The following BTBD9 variants were observed in gnomAD, a reference collection of about 807,000 sequenced individuals.
The protein encoded by BTBD9 is BTB domain containing 9, also known as BTB/POZ domain-containing protein 9.
A neutral mutation model predicts 64.3 loss-of-function variants in BTBD9; 49 were observed. The ratio of observed to expected loss-of-function variants is 0.76; its 90% CI spans 0.61 to 0.97. The LOEUF (loss-of-function observed/expected upper bound fraction) is 0.97, where lower values mean the gene tolerates loss of function less well. Ranked by LOEUF, BTBD9 falls within the 50% of genes least tolerant of loss-of-function variation. The probability of loss-of-function intolerance (pLI) is 0.00; values close to 1 mark genes in which losing one functional copy is unlikely to be tolerated. For synonymous variants in BTBD9, 260 were observed against 274.7 expected, an observed-to-expected ratio of 0.95 and a Z score of 0.53; for missense variants, 598 against 762.1, an observed-to-expected ratio of 0.78 and a Z score of 2.53.
intron 4 of BTBD9, chr6:38,588,275 CAGCT>C: frequency 1.1e-6 from 1 of 929,312 alleles, no homozygotes; most frequent in Non-Finnish European, 1.7e-6. Context: ...ACTGCCTGCT[CAGCT>C]GCCACACAGT....
chr6:38,321,164 G>A (rs1763218034), intron 7 of BTBD9, among the ~76,000 whole-genome samples: 1 of 152,164 alleles, frequency 6.6e-6, no homozygotes, highest in African/African-American at 2.4e-5. Flanking sequence ...ACTGCTTTAA[G>A]GTTTCAAGAG....
chr6:38,617,557 G>A lies in BTBD9; in HGVS notation c.-27-19436C>T, dbSNP rs190958736. Among the ~76,000 whole-genome samples the A allele has an allele frequency of 5.5e-4, 83 of 152,246 alleles. 1 individual carries two copies. Among genetic ancestry groups the A allele is most frequent in the African/African-American group, 1.4e-3 (59 of 41,532 alleles). ...AGACATAATTTTTGCCCAAAGCCCC[G>A]TCATAGGGGGTACTATCTGGAATTT... On this transcript the variant is annotated intron_variant, in intron 1 of 10. Coordinates refer to ENST00000481247, the MANE Select transcript of BTBD9 (RefSeq NM_001099272.2).
At chr6:38,522,953 C>T (rs113225080) in intron 6 of BTBD9, among the ~76,000 whole-genome samples, 2,216 of 152,174 alleles carry the variant, frequency 0.015, 50 homozygotes, top group African/African-American at 0.05. Context: ...GAAGCTGAGG[C>T]GGGTGGATCA....
At chr6:38,526,281 C>A (rs1017948172) in intron 6 of BTBD9, among the ~76,000 whole-genome samples, 1 of 152,232 alleles carries the variant, frequency 6.6e-6, no homozygotes, top group African/African-American at 2.4e-5. Flanking sequence ...CTGGCGGCTT[C>A]TAAGTGGTAT....
At chr6:38,376,770 T>C (rs1201710986) in intron 6 of BTBD9, among the ~76,000 whole-genome samples, 1 of 152,214 alleles carries the variant, frequency 6.6e-6, no homozygotes, top group Non-Finnish European at 1.5e-5. Flanking sequence ...CTCTGGGTAC[T>C]CAAGAACTCT....
At chr6:38,635,280 T>C (rs2127536234) in intron 1 of BTBD9, among the ~76,000 whole-genome samples, 1 of 152,092 alleles carries the variant, frequency 6.6e-6, no homozygotes, top group Middle Eastern at 3.4e-3. Flanking sequence ...GGATTACAGG[T>C]GTGCACCACC....
intron 6 of BTBD9, among the ~76,000 whole-genome samples, chr6:38,556,695 G>A (rs1308334669): frequency 1.3e-5 from 2 of 151,642 alleles, no homozygotes; most frequent in Admixed American, 1.3e-4. Flanking sequence ...ATGATAAACA[G>A]AGATGAAAAA....
intron 8 of BTBD9, among the ~76,000 whole-genome samples, chr6:38,269,483 T>C (rs1324003741): frequency 3.9e-5 from 6 of 152,210 alleles, no homozygotes; most frequent in Admixed American, 6.5e-5. Flanking sequence ...TCACAAGTTT[T>C]AATTCAAACG....
chr6:38,554,789 C>T (rs1426705895), intron 6 of BTBD9, among the ~76,000 whole-genome samples: 5 of 152,172 alleles, frequency 3.3e-5, no homozygotes, highest in Admixed American at 3.3e-4. Flanking sequence ...TAATGGGCTT[C>T]CAGAAGCTTG....
At chr6:38,283,196 A>T (rs1029186614) in intron 8 of BTBD9, among the ~76,000 whole-genome samples, 4 of 152,210 alleles carry the variant, frequency 2.6e-5, no homozygotes, top group African/African-American at 9.6e-5. Context: ...AACATTTTTC[A>T]TCAAGAAAGA....
chr6:38,249,695 C>A (rs1350782586), intron 9 of BTBD9, among the ~76,000 whole-genome samples: 2 of 147,550 alleles, frequency 1.4e-5, no homozygotes, highest in Admixed American at 6.9e-5. Context: ...GCAGTCAACA[C>A]AACTGTCTGG....
At position 38,319,177 on chromosome 6, in the gene BTBD9, G is replaced by C. The variant is rs1021011009; in HGVS notation, c.1264+25807C>G. ...TGGCAGTAGGTTCCCCTCTGGACTA[G>C]AGTAGGTCCAGAAATGTTGTCCGAG... On this transcript the variant is annotated intron_variant, in intron 7 of 10. Coordinates refer to ENST00000481247, the MANE Select transcript of BTBD9 (RefSeq NM_001099272.2). Among the ~76,000 whole-genome samples the C allele has an allele frequency of 2.6e-5, 4 of 152,118 alleles. No homozygotes were observed. In the South Asian group the frequency reaches 6.2e-4, roughly 24 times the overall value.
chr6:38,444,343 CAGAATCATAAA>C (rs1769176549), intron 6 of BTBD9, among the ~76,000 whole-genome samples: 2 of 152,152 alleles, frequency 1.3e-5, no homozygotes, highest in African/African-American at 4.8e-5. Context: ...GAATTTACTC[CAGAATCATAAA>C]AGAATCATAT....
intron 7 of BTBD9, among the ~76,000 whole-genome samples, chr6:38,309,182 CA>C (rs1192943898): frequency 6.6e-6 from 1 of 151,370 alleles, no homozygotes. Flanking sequence ...CCAGCCTGGC[CA>C]ACATGGTGAA....
intron 10 of BTBD9, chr6:38,179,398 C>A (rs892519728): frequency 7.4e-5 from 34 of 456,424 alleles, no homozygotes; most frequent in Admixed American, 1.6e-4. Flanking sequence ...CACAATGACT[C>A]TCAGGGTTCC....
At chr6:38,300,555 T>C (rs1274709785) in intron 7 of BTBD9, among the ~76,000 whole-genome samples, 2 of 150,352 alleles carry the variant, frequency 1.3e-5, no homozygotes, top group Admixed American at 1.3e-4. Context: ...TTTGTAGTTC[T>C]CCTTGAAGAG....
Position 38,191,612 on chromosome 6 carries a change from C to T in BTBD9, c.1641+907G>A, listed in dbSNP as rs116772801. ...TTGAGCTCAGGACTCACACCAGACT[C>T]GGGCTCCGCCCATCCCTGTGCCAGG... On this transcript the variant is annotated intron_variant, in intron 10 of 10. Coordinates refer to ENST00000481247, the MANE Select transcript of BTBD9 (RefSeq NM_001099272.2). 1.8e-3 allele frequency among the ~76,000 whole-genome samples: 280 copies of T among 152,342 alleles called. 1 individual carries two copies. The highest frequency in any genetic ancestry group is 3.0e-3 in the Non-Finnish European group (207 of 68,026).
chr6:38,587,536 G>A (rs562295363), intron 4 of BTBD9: 16 of 570,084 alleles, frequency 2.8e-5, no homozygotes, highest in Middle Eastern at 3.8e-4. Context: ...AACAATTTTT[G>A]ATAGTTCTGA....
In BTBD9 at chr6:38,550,375, G is replaced by A. The variant is rs371859911; in HGVS notation, c.1154+27225C>T. On this transcript the variant is annotated intron_variant, in intron 6 of 10. Coordinates refer to ENST00000481247, the MANE Select transcript of BTBD9 (RefSeq NM_001099272.2). ...TCTGTCGCCCAGGCTGGAGTGCAGT[G>A]GTGTGATCTCGGCTCACTGCAACCT... is the stretch of plus-strand genomic sequence containing the variant. Among the ~76,000 whole-genome samples the A allele has an allele frequency of 4.0e-5, 6 of 150,266 alleles. No individual in the cohort carries two copies. In the South Asian group the frequency reaches 6.3e-4, roughly 16 times the overall value.
Sources: allele counts gnomAD v4.1 joint callset (sites outside exome capture counted in the v4.1 genomes callset), GRCh38; gene constraint gnomAD v4.1.1; transcripts MANE v1.5; gene names NCBI Gene and HGNC (gene_info 2026-07-23, HGNC 2026-07-21).